Variants in ARNT observed in about 807,000 individuals in gnomAD.
The protein encoded by ARNT is aryl hydrocarbon receptor nuclear translocator, also known as class E basic helix-loop-helix protein 2.
ARNT carries 30 observed loss-of-function variants against 105.0 expected under a neutral mutation model. The ratio of observed to expected loss-of-function variants is 0.29; its 90% CI spans 0.21 to 0.39. ARNT has a LOEUF of 0.39. Ranked by LOEUF, ARNT falls within the 10% of genes least tolerant of loss-of-function variation. The probability of loss-of-function intolerance (pLI) is 1.00; values close to 1 mark genes in which losing one functional copy is unlikely to be tolerated. For missense variants in ARNT, 748 were observed against 978.7 expected, an observed-to-expected ratio of 0.76 and a Z score of 3.15; for synonymous variants, 304 against 344.0, an observed-to-expected ratio of 0.88 and a Z score of 1.29.
chr1:150,848,328 C>T (rs113102646), intron 3 of ARNT, among the ~76,000 whole-genome samples: 8,950 of 151,926 alleles, frequency 0.059, 889 homozygotes, highest in African/African-American at 0.2. Flanking sequence ...TGGTGGCAGG[C>T]GCCTGTAATC....
chr1:150,842,494 C>T, intron 4 of ARNT, 26 bp from the exon 5 acceptor site: 1 of 1,402,366 alleles, frequency 7.1e-7, no homozygotes, highest in Non-Finnish European at 9.5e-7. Context: ...ATGAACTAAG[C>T]TAAAATTAAA....
intron 21 of ARNT, among the ~76,000 whole-genome samples, 175 bp downstream of exon 21, chr1:150,812,997 C>T (rs1655048504): frequency 6.6e-6 from 1 of 152,194 alleles, no homozygotes; most frequent in South Asian, 2.1e-4. Flanking sequence ...CTGCATCTAG[C>T]TTCTGCAATC....
chr1:150,810,679 A>C lies in ARNT; in HGVS notation c.*1342T>G, dbSNP rs1169184427. 1.4e-5 allele frequency: 3 copies of C among 215,028 alleles called. No homozygotes were observed. Among genetic ancestry groups the C allele is most frequent in the Non-Finnish European group, 2.8e-5 (3 of 106,306 alleles). 13.3% of individuals were successfully genotyped at this position (215,028 alleles called of 1,614,324 possible). On this transcript the variant is annotated 3_prime_UTR_variant, in exon 22 of 22. Transcript: ENST00000358595. Reference sequence around the variant, plus strand: ...GGTATCTACGACTGTTACCTGAGGAAGGTAAAGGGTGAGGGTAGTAACCTG... The same window carrying C: ...GGTATCTACGACTGTTACCTGAGGACGGTAAAGGGTGAGGGTAGTAACCTG...
Position 150,839,547 on chromosome 1 carries a change from T to G in ARNT, c.380A>C (p.Asp127Ala). 6.2e-7 allele frequency: 1 copy of G among 1,614,180 alleles called. No homozygotes were observed. The highest frequency in any genetic ancestry group is 8.5e-7 in the Non-Finnish European group (1 of 1,180,016). Residue 127 changes from aspartate (D) to alanine (A), a missense_variant, in exon 6 of 22, where the codon GAC becomes GCC. By Grantham distance (126) the Asp-to-Ala change is moderately radical. This residue lies in a region of ARNT where 291 missense variants were observed against 444.6 expected (regional missense o/e 0.65). Transcript: ENST00000358595. ...PTCSALARKPDKLTILRMAVS... is the reference protein window; with the variant it reads ...PTCSALARKPAKLTILRMAVS... ...TGCCATGCGTAAGATGGTTAGCTTGTCTGGTTTTCGAGCCAGGGCACTACA... is the reference window on the plus strand; with the variant it reads ...TGCCATGCGTAAGATGGTTAGCTTGGCTGGTTTTCGAGCCAGGGCACTACA...
intron 1 of ARNT, among the ~76,000 whole-genome samples, chr1:150,862,796 T>C (rs184829745): frequency 6.6e-6 from 1 of 150,816 alleles, no homozygotes; most frequent in African/African-American, 2.4e-5. Flanking sequence ...GTCAAACCTG[T>C]AATCCTAGCA....
rs149391713 is a variant in ARNT, at chr1:150,868,893, G to A, written c.25+7650C>T. On this transcript the variant is annotated intron_variant, in intron 1 of 21. Transcript: ENST00000358595. ...AGCCTGGGTGACAAAGCAAGACTCC[G>A]TCTCAAAAAATAATAATAAAATTTA... 1.1e-3 allele frequency among the ~76,000 whole-genome samples: 160 copies of A among 150,586 alleles called. 1 individual carries two copies. The highest frequency in any genetic ancestry group is 3.6e-3 in the African/African-American group (149 of 40,964).
intron 1 of ARNT, among the ~76,000 whole-genome samples, chr1:150,867,022 A>G (rs1382637235): frequency 6.6e-6 from 1 of 152,138 alleles, no homozygotes; most frequent in Non-Finnish European, 1.5e-5. Flanking sequence ...CCTGGCCAAC[A>G]TGGTGAAACC....
chr1:150,837,575 T>C (rs760047493), intron 6 of ARNT, among the ~76,000 whole-genome samples: 193 of 152,140 alleles, frequency 1.3e-3, no homozygotes, highest in Non-Finnish European at 2.5e-3. Flanking sequence ...AATTTTTGCT[T>C]CCTCTTCTGT....
At position 150,822,976 on chromosome 1, in the gene ARNT, G is replaced by C. The variant is rs10305722; in HGVS notation, c.1394+218C>G. 3.3e-5 allele frequency among the ~76,000 whole-genome samples: 5 copies of C among 152,202 alleles called. No homozygotes were observed. In the South Asian group the frequency reaches 1.0e-3, roughly 32 times the overall value. The stretch of plus-strand genomic sequence containing the variant: ...CTGTAGCCCAGGCTGGAGTGCAGTG[G>C]CATGATCCCAGCTCACTGCAACCTC... On this transcript the variant is annotated intron_variant, in intron 14 of 21. Coordinates refer to ENST00000358595, the MANE Select transcript of ARNT (RefSeq NM_001668.4).
intron 10 of ARNT, 159 bp downstream of exon 10, chr1:150,831,659 T>C (rs1333375703): frequency 1.2e-5 from 7 of 572,940 alleles, no homozygotes; most frequent in African/African-American, 5.9e-5. Flanking sequence ...AAAAGCTCAA[T>C]AATGGAAGGG....
At chr1:150,862,929 T>C (rs1294149560) in intron 1 of ARNT, among the ~76,000 whole-genome samples, 2 of 151,048 alleles carry the variant, frequency 1.3e-5, no homozygotes, top group Non-Finnish European at 2.9e-5. Flanking sequence ...CGCACACCTG[T>C]AGTCCCAGCT....
intron 2 of ARNT, among the ~76,000 whole-genome samples, chr1:150,855,719 T>C (rs587622521): frequency 2.0e-5 from 3 of 149,068 alleles, no homozygotes; most frequent in East Asian, 2.0e-4. Flanking sequence ...CTGGTCAACG[T>C]AGTGAGACCA....
intron 1 of ARNT, among the ~76,000 whole-genome samples, 156 bp from the exon 2 acceptor site, chr1:150,858,616 ATT>A (rs113986128): frequency 1.2e-4 from 16 of 137,888 alleles, no homozygotes; most frequent in East Asian, 2.1e-4. Flanking sequence ...GCTCTTCTTG[ATT>A]TTTTTTTTTT....
chr1:150,831,759 T>C (rs777642281), intron 10 of ARNT, 59 bp downstream of exon 10: 21 of 1,181,338 alleles, frequency 1.8e-5, no homozygotes, highest in Non-Finnish European at 2.6e-5. Context: ...TTAGCTTTCA[T>C]GGACTCTGTG....
intron 20 of ARNT, 86 bp downstream of exon 20, chr1:150,813,991 C>CA: frequency 6.6e-7 from 1 of 1,521,294 alleles, no homozygotes; most frequent in Non-Finnish European, 9.0e-7. Flanking sequence ...AGTGTACCCA[C>CA]AACACAGGCA....
At chr1:150,860,638 C>A (rs964360880) in intron 1 of ARNT, among the ~76,000 whole-genome samples, 2 of 151,820 alleles carry the variant, frequency 1.3e-5, no homozygotes, top group African/African-American at 4.8e-5. Context: ...GGCATATCAC[C>A]TGAGGTCAGC....
intron 13 of ARNT, among the ~76,000 whole-genome samples, chr1:150,823,711 C>A (rs1410287210): frequency 6.6e-6 from 1 of 152,004 alleles, no homozygotes; most frequent in Non-Finnish European, 1.5e-5. Flanking sequence ...CCACCACGCC[C>A]AGCTAATTTT....
At chr1:150,845,788 G>A (rs928860623) in intron 4 of ARNT, among the ~76,000 whole-genome samples, 10 of 152,110 alleles carry the variant, frequency 6.6e-5, no homozygotes, top group African/African-American at 2.4e-4. Context: ...TATAATCCCA[G>A]CTACTCAGGA....
Position 150,811,813 on chromosome 1 carries a change from A to G in ARNT, c.*208T>C. On this transcript the variant is annotated 3_prime_UTR_variant, in exon 22 of 22. Transcript: ENST00000358595. Reference sequence around the variant, plus strand: ...GCCTCAAATTTTCAGACAGTCCTAAAAGCCTTGGAGATTCATTCCATTTCT... The same window carrying G: ...GCCTCAAATTTTCAGACAGTCCTAAGAGCCTTGGAGATTCATTCCATTTCT... The G allele has an allele frequency of 2.7e-6, 1 of 377,004 alleles. No individual in the cohort carries two copies. The allele number at this position is 377,004 out of a possible 1,614,324, so 23.4% of individuals were successfully genotyped here.
Sources: gnomAD v4.1 joint callset for allele counts (sites outside exome capture counted in the v4.1 genomes callset) on GRCh38, gnomAD v4.1.1 for gene constraint, gnomAD v4.1.1 regional missense constraint, MANE v1.5 for transcripts, NCBI Gene and HGNC (gene_info 2026-07-23, HGNC 2026-07-21) for gene names.